ADAMTS9: variants seen among roughly 807,000 people sequenced by gnomAD.
The protein encoded by ADAMTS9 is A disintegrin and metalloproteinase with thrombospondin motifs 9.
In ADAMTS9, 107 loss-of-function variants were observed where a neutral mutation model predicts 257.1. The observed-to-expected ratio is 0.42, with a 90% confidence interval of 0.36 to 0.49. The LOEUF (loss-of-function observed/expected upper bound fraction) is 0.49. Ranked by LOEUF, ADAMTS9 falls within the 20% of genes least tolerant of loss-of-function variation. ADAMTS9 has a pLI of 0.03. For synonymous variants in ADAMTS9, 982 were observed against 880.9 expected, an observed-to-expected ratio of 1.11 and a Z score of -2.03; for missense variants, 2,353 against 2,469.1, an observed-to-expected ratio of 0.95 and a Z score of 1.00.
chr3:64,595,079 C>CCAAAA (rs71633154), intron 27 of ADAMTS9, among the ~76,000 whole-genome samples: 84,808 of 151,298 alleles, frequency 0.56, 24,741 homozygotes, highest in East Asian at 0.79. Context: ...CCAAACCAAA[C>CCAAAA]CAAAACAAAA....
At position 64,541,912 on chromosome 3, in the gene ADAMTS9, T is replaced by C; in HGVS notation, c.5123A>G (p.Glu1708Gly). 1 of 1,614,168 alleles carries C rather than the reference T, an allele frequency of 6.2e-7. No individual in the cohort carries two copies. Among genetic ancestry groups the C allele is most frequent in the Non-Finnish European group, 8.5e-7 (1 of 1,180,004 alleles). The change falls in exon 33 of 40, where the codon GAG becomes GGG. Residue 1708 changes from glutamate (E) to glycine (G), a missense_variant. Around this residue, in one of 3 missense-constraint regions of ADAMTS9, gnomAD observed 1,402 missense variants for 1,441.4 expected, o/e 0.97. Transcript: ENST00000498707. ...GTGGCATAAGTGGCTGGGTTGGTCC[T>C]CATTGGTTAAACATTGCACAGATCT... ...MQRSVQCLTN[E>G]DQPSHLCHTD...
chr3:64,635,030 T>A (rs1456695753), intron 12 of ADAMTS9, among the ~76,000 whole-genome samples: 2 of 152,136 alleles, frequency 1.3e-5, no homozygotes, highest in Non-Finnish European at 2.9e-5. Flanking sequence ...TTCTTTACAA[T>A]AAGTGCACAT....
chr3:64,658,659 T>C lies in ADAMTS9; in HGVS notation c.812A>G (p.Asn271Ser), dbSNP rs1701144264. 14 of 1,613,988 alleles carry C rather than the reference T, an allele frequency of 8.7e-6. No individual in the cohort carries two copies. The highest frequency in any genetic ancestry group is 1.3e-5 in the African/African-American group (1 of 74,878). ...LATEAFSAYG[N>S]KTDNTREKRT... is the part of the protein sequence containing the mutation. ...CTTTTCTCTTGTGTTGTCCGTCTTA[T>C]TACCATAAGCAGAAAATGCCTCTGT... Residue 271 changes from asparagine (N) to serine (S), a missense_variant, in exon 4 of 40, where the codon AAT becomes AGT. Asn to Ser is a conservative substitution (Grantham distance 46, BLOSUM62 1). This residue lies in a region of ADAMTS9 where 591 missense variants were observed against 569.6 expected (regional missense o/e 1.04). Coordinates refer to ENST00000498707, the MANE Select transcript of ADAMTS9 (RefSeq NM_182920.2).
Position 64,541,184 on chromosome 3 carries a change from T to A in ADAMTS9, c.5432A>T (p.Asp1811Val), listed in dbSNP as rs1189984164. The A allele has an allele frequency of 2.5e-6, 4 of 1,614,058 alleles. No individual in the cohort carries two copies. Among genetic ancestry groups the A allele is most frequent in the Non-Finnish European group, 2.5e-6 (3 of 1,180,028 alleles). Residue 1811 changes from aspartate (D) to valine (V), a missense_variant, in exon 36 of 40, where the codon GAT becomes GTT. Physicochemically the swap from Asp to Val is radical, Grantham distance 152. Coordinates refer to ENST00000498707, the MANE Select transcript of ADAMTS9 (RefSeq NM_182920.2). ...TECPYNGSRR[D>V]DCQCRKDYTA... ...GTAATCCTTCCGACATTGGCAGTCA[T>A]CGCGCCGGCTCCCGTTATAGGGACA...
intron 12 of ADAMTS9, among the ~76,000 whole-genome samples, chr3:64,636,869 T>A (rs1700513361): frequency 6.6e-6 from 1 of 152,230 alleles, no homozygotes; most frequent in African/African-American, 2.4e-5. Flanking sequence ...TATTTGGCCC[T>A]GATGGAAAAG....
chr3:64,543,115 C>T (rs1391372101), intron 32 of ADAMTS9, among the ~76,000 whole-genome samples: 2 of 152,120 alleles, frequency 1.3e-5, no homozygotes, highest in Admixed American at 6.5e-5. Flanking sequence ...GAAATTGAGG[C>T]AATAATTAAT....
chr3:64,553,586 A>G (rs1244448958), intron 30 of ADAMTS9, among the ~76,000 whole-genome samples: 3 of 152,156 alleles, frequency 2.0e-5, no homozygotes, highest in South Asian at 2.1e-4. Flanking sequence ...TGGGTCATAT[A>G]GTATGCCCCG....
At chr3:64,679,903 T>C (rs796307577) in intron 3 of ADAMTS9, among the ~76,000 whole-genome samples, 2 of 152,346 alleles carry the variant, frequency 1.3e-5, no homozygotes, top group African/African-American at 4.8e-5. Context: ...ACTATTGTTT[T>C]TGATGTATCT....
intron 3 of ADAMTS9, among the ~76,000 whole-genome samples, chr3:64,659,606 G>A (rs1320816050): frequency 6.6e-6 from 1 of 151,910 alleles, no homozygotes; most frequent in Non-Finnish European, 1.5e-5. Flanking sequence ...TGCACAACCA[G>A]GTATTTTATT....
At chr3:64,637,705 C>T (rs367873866) in intron 12 of ADAMTS9, among the ~76,000 whole-genome samples, 12 of 152,300 alleles carry the variant, frequency 7.9e-5, no homozygotes, top group African/African-American at 2.4e-4. Flanking sequence ...CAGGCAGCCC[C>T]AGAAGGTAGT....
At chr3:64,610,515 A>T (rs547029477) in intron 22 of ADAMTS9, among the ~76,000 whole-genome samples, 80 of 151,998 alleles carry the variant, frequency 5.3e-4, no homozygotes, top group Admixed American at 3.2e-3. Context: ...ATTTTTTTTT[A>T]AAAAATTGGC....
In ADAMTS9 at chr3:64,655,656, T is replaced by C; in HGVS notation, c.1089A>G (p.Thr363=). ...GPSISFNAQT[T]LKNFCQWQHS... ...GCTGCCACTGGCAAAAGTTTTTTAATGTTGTCTGAGCATTAAAAGATATGG... is the reference window on the plus strand; with the variant it reads ...GCTGCCACTGGCAAAAGTTTTTTAACGTTGTCTGAGCATTAAAAGATATGG... Residue 363 remains threonine (T), a synonymous_variant, in exon 6 of 40, where the codon ACA becomes ACG. Transcript: ENST00000498707. 2 of 1,614,214 alleles carry C rather than the reference T, an allele frequency of 1.2e-6. No homozygotes were observed. The highest frequency in any genetic ancestry group is 8.5e-7 in the Non-Finnish European group (1 of 1,180,020).
intron 25 of ADAMTS9, 100 bp downstream of exon 25, chr3:64,603,822 T>C (rs1016761875): frequency 5.5e-6 from 7 of 1,283,844 alleles, no homozygotes; most frequent in Non-Finnish European, 7.6e-6. Context: ...TCTGAAATAT[T>C]ACCCATTGAC....
At chr3:64,602,670 C>A (rs1416654501) in intron 25 of ADAMTS9, among the ~76,000 whole-genome samples, 1 of 152,134 alleles carries the variant, frequency 6.6e-6, no homozygotes, top group African/African-American at 2.4e-5. Flanking sequence ...TTTGCTGTAC[C>A]ACTTAAATTC....
At chr3:64,525,931 CAATAT>C (rs72203242) in intron 38 of ADAMTS9, among the ~76,000 whole-genome samples, 102,971 of 147,292 alleles carry the variant, frequency 0.7, 39,504 homozygotes, top group Non-Finnish European at 0.85. Flanking sequence ...TTATATTTAC[CAATAT>C]AATATAATAT....
chr3:64,683,466 G>A, intron 2 of ADAMTS9, among the ~76,000 whole-genome samples: 1 of 152,298 alleles, frequency 6.6e-6, no homozygotes, highest in East Asian at 1.9e-4. Flanking sequence ...TCCCAGCGCT[G>A]CCACTTACGA....
At chr3:64,652,960 T>C (rs1262548557) in intron 8 of ADAMTS9, among the ~76,000 whole-genome samples, 1 of 152,204 alleles carries the variant, frequency 6.6e-6, no homozygotes, top group African/African-American at 2.4e-5. Context: ...TAAAATTACC[T>C]CTAGGCTATG....
intron 14 of ADAMTS9, 109 bp from the exon 15 acceptor site, chr3:64,632,034 G>A (rs1700378595): frequency 6.1e-6 from 5 of 815,324 alleles, no homozygotes; most frequent in Non-Finnish European, 7.9e-6. Flanking sequence ...AGAAAGTCAA[G>A]TCCTTTAAAA....
intron 28 of ADAMTS9, among the ~76,000 whole-genome samples, chr3:64,582,135 T>C (rs999690947): frequency 1.3e-5 from 2 of 151,928 alleles, no homozygotes; most frequent in Non-Finnish European, 2.9e-5. Context: ...GGCATGGGGG[T>C]TGGGGTTGGG....
Sources: allele counts gnomAD v4.1 joint callset (sites outside exome capture counted in the v4.1 genomes callset), GRCh38; gene constraint gnomAD v4.1.1; regional missense constraint gnomAD v4.1.1; transcripts MANE v1.5; gene names NCBI Gene and HGNC (gene_info 2026-07-23, HGNC 2026-07-21).